EEFSEC: variants seen among roughly 807,000 people sequenced by gnomAD.
The protein encoded by EEFSEC is eukaryotic elongation factor, selenocysteine-tRNA specific.
A neutral mutation model predicts 42.1 loss-of-function variants in EEFSEC; 43 were observed. The observed-to-expected ratio is 1.02, with a 90% CI of 0.80 to 1.32. The LOEUF (loss-of-function observed/expected upper bound fraction) is 1.32, where lower values mean the gene tolerates loss of function less well. Ranked by LOEUF, EEFSEC falls within the 40% of genes most tolerant of loss-of-function variation. EEFSEC has a pLI of 0.00. For synonymous variants in EEFSEC, 354 were observed against 339.1 expected (o/e 1.04, Z -0.48); for missense variants, 745 against 803.6 (o/e 0.93, Z 0.88).
chr3:128,160,792 G>GCACACACACGCGCGCACA (rs2065177746), intron 1 of EEFSEC, among the ~76,000 whole-genome samples: 2 of 151,848 alleles, frequency 1.3e-5, no homozygotes. Context: ...CACTGTGTGC[G>GCACACACACGCGCGCACA]CACACACACG....
At chr3:128,164,016 A>G (rs1008531287) in intron 1 of EEFSEC, among the ~76,000 whole-genome samples, 1 of 151,542 alleles carries the variant, frequency 6.6e-6, no homozygotes, top group Non-Finnish European at 1.5e-5. Flanking sequence ...TTGCCATCTT[A>G]GCCATCTTAA....
chr3:128,156,163 T>G (rs143779905), intron 1 of EEFSEC, among the ~76,000 whole-genome samples: 73 of 152,378 alleles, frequency 4.8e-4, no homozygotes, highest in African/African-American at 1.7e-3. Flanking sequence ...TAGCTTGCTT[T>G]CTTCCTTAGC....
intron 1 of EEFSEC, among the ~76,000 whole-genome samples, chr3:128,226,700 G>T (rs2065911060): frequency 6.6e-6 from 1 of 152,144 alleles, no homozygotes; most frequent in Non-Finnish European, 1.5e-5. Context: ...GTGTGTGTGT[G>T]TTTCCCCCAG....
chr3:128,209,112 G>T (rs983512201), intron 1 of EEFSEC, among the ~76,000 whole-genome samples: 1 of 152,210 alleles, frequency 6.6e-6, no homozygotes, highest in Non-Finnish European at 1.5e-5. Context: ...GTGTTCCATG[G>T]CATGTTAATG....
chr3:128,287,969 C>T (rs770185130), intron 4 of EEFSEC, among the ~76,000 whole-genome samples: 1 of 151,080 alleles, frequency 6.6e-6, no homozygotes. Flanking sequence ...CCCGCCCCCC[C>T]CAAAAAACTC....
intron 1 of EEFSEC, among the ~76,000 whole-genome samples, chr3:128,177,995 T>C (rs1324105539): frequency 6.6e-6 from 1 of 152,162 alleles, no homozygotes; most frequent in Non-Finnish European, 1.5e-5. Context: ...TTGACAAACA[T>C]GATAGACCTC....
chr3:128,327,792 C>T (rs1026058414), intron 4 of EEFSEC, among the ~76,000 whole-genome samples: 2 of 152,170 alleles, frequency 1.3e-5, no homozygotes, highest in Non-Finnish European at 2.9e-5. Context: ...TAGCCTGACC[C>T]AGGCTCTGTA....
At chr3:128,328,070 T>C (rs2067085175) in intron 4 of EEFSEC, among the ~76,000 whole-genome samples, 1 of 152,192 alleles carries the variant, frequency 6.6e-6, no homozygotes, top group Non-Finnish European at 1.5e-5. Flanking sequence ...ACATGCTGCC[T>C]CCTTCAATTT....
intron 1 of EEFSEC, among the ~76,000 whole-genome samples, chr3:128,235,941 G>GGTTGGTTT (rs71153124): frequency 4.0e-5 from 6 of 149,082 alleles, no homozygotes; most frequent in South Asian, 2.1e-4. Flanking sequence ...GATGGGCAAA[G>GGTTGGTTT]GTTTGTTTGT....
At chr3:128,364,525 G>C (rs1425660730) in intron 6 of EEFSEC, among the ~76,000 whole-genome samples, 1 of 152,234 alleles carries the variant, frequency 6.6e-6, no homozygotes, top group Non-Finnish European at 1.5e-5. Context: ...AAAAGGCCAG[G>C]ACAGTGGAAA....
intron 6 of EEFSEC, among the ~76,000 whole-genome samples, chr3:128,402,601 C>T (rs1010103664): frequency 3.9e-5 from 6 of 152,340 alleles, no homozygotes; most frequent in East Asian, 3.9e-4. Context: ...CACGGTGTTA[C>T]GAGAGGATTC....
intron 4 of EEFSEC, among the ~76,000 whole-genome samples, chr3:128,295,627 GC>G (rs2066697027): frequency 6.8e-6 from 1 of 147,650 alleles, no homozygotes. Flanking sequence ...CTTCCTTGGG[GC>G]TGGAACTGTG....
intron 6 of EEFSEC, among the ~76,000 whole-genome samples, chr3:128,369,899 C>T (rs1469797078): frequency 6.6e-6 from 1 of 152,164 alleles, no homozygotes; most frequent in African/African-American, 2.4e-5. Context: ...CACATGTCCC[C>T]GAGGAACAAG....
At chr3:128,311,442 C>G (rs1358251910) in intron 4 of EEFSEC, among the ~76,000 whole-genome samples, 1 of 152,228 alleles carries the variant, frequency 6.6e-6, no homozygotes. Context: ...CAGTTGTGTT[C>G]TGAGTGCCAG....
At position 128,348,265 on chromosome 3, in the gene EEFSEC, T is replaced by TGTGCGC. The variant is rs748008898; in HGVS notation, c.1443+6379_1443+6380insCGCGTG. On this transcript the variant is annotated intron_variant, in intron 5 of 6. Coordinates refer to ENST00000254730, the MANE Select transcript of EEFSEC (RefSeq NM_021937.5). ...CAAAGTGTGCATGCGTGTGTGTGTG[T>TGTGCGC]GTGTGCGTGTGCGTGTGTGTGTGTG... 5.2e-3 allele frequency among the ~76,000 whole-genome samples: 488 copies of TGTGCGC among 93,776 alleles called. 2 individuals are homozygous for TGTGCGC. The highest frequency in any genetic ancestry group is 0.028 in the African/African-American group (449 of 15,962). 61.5% of individuals were successfully genotyped at this position (93,776 alleles called of 152,430 possible). A position where few individuals can be genotyped will look rare whatever the true frequency, so the allele number is the denominator to read the frequency against.
rs113528475 is a variant in EEFSEC at position 128,186,153 on chromosome 3, C to T, written c.316+32330C>T. Among the ~76,000 whole-genome samples, 304 of 152,302 alleles carry T rather than the reference C, an allele frequency of 2.0e-3. 1 individual carries two copies. Among genetic ancestry groups the T allele is most frequent in the African/African-American group, 7.0e-3 (290 of 41,558 alleles). On this transcript the variant is annotated intron_variant, in intron 1 of 6. Transcript: ENST00000254730. Reference sequence around the variant, plus strand: ...TCCTAGTGGGTGTGAAGTGCTATCTCATTGTGATTTTGATTTGCATTTCCC... The same window carrying T: ...TCCTAGTGGGTGTGAAGTGCTATCTTATTGTGATTTTGATTTGCATTTCCC...
chr3:128,155,779 C>T (rs1944370592), intron 1 of EEFSEC, among the ~76,000 whole-genome samples: 1 of 152,198 alleles, frequency 6.6e-6, no homozygotes, highest in Non-Finnish European at 1.5e-5. Context: ...TTTGTTACCT[C>T]CCAACTGTTT....
At chr3:128,227,827 C>A (rs1284599369) in intron 1 of EEFSEC, among the ~76,000 whole-genome samples, 6 of 152,194 alleles carry the variant, frequency 3.9e-5, no homozygotes, top group African/African-American at 1.4e-4. Flanking sequence ...ATCCTCCCCT[C>A]ATTCAGATTA....
At chr3:128,170,108 A>G (rs886397655) in intron 1 of EEFSEC, among the ~76,000 whole-genome samples, 3 of 152,092 alleles carry the variant, frequency 2.0e-5, no homozygotes, top group African/African-American at 7.2e-5. Context: ...CTGGACACTC[A>G]CTGTAGGGAA....
Sources: allele counts gnomAD v4.1 joint callset (sites outside exome capture counted in the v4.1 genomes callset), GRCh38; gene constraint gnomAD v4.1.1; transcripts MANE v1.5; gene names NCBI Gene and HGNC (gene_info 2026-07-23, HGNC 2026-07-21).